The following APP variants were observed in gnomAD, a reference collection of about 807,000 sequenced individuals.
APP encodes amyloid-beta precursor protein.
APP carries 31 observed loss-of-function variants against 101.4 expected under a neutral mutation model. That is an observed-to-expected ratio of 0.31 (90% CI 0.23 to 0.41). The LOEUF (loss-of-function observed/expected upper bound fraction) is 0.41, where lower values mean the gene tolerates loss of function less well. Among genes scored for constraint, APP ranks in the 10% least tolerant of loss-of-function variants. The pLI, the probability that APP is intolerant of heterozygous loss-of-function variation, is 1.00. For synonymous variants in APP, 366 were observed against 364.4 expected (o/e 1.00, Z -0.05); for missense variants, 839 against 1,003.7 (o/e 0.84, Z 2.22).
At chr21:26,161,684 G>T (rs2063493890) in intron 1 of APP, among the ~76,000 whole-genome samples, 1 of 151,752 alleles carries the variant, frequency 6.6e-6, no homozygotes, top group South Asian at 2.1e-4. Context: ...CATTTCTATG[G>T]GAGTTTCTTA....
intron 13 of APP, chr21:25,945,831 A>G (rs551451170): frequency 6.7e-6 from 3 of 449,982 alleles, no homozygotes; most frequent in African/African-American, 6.0e-5. Flanking sequence ...TGGGACTACA[A>G]ATAGATGTTA....
chr21:25,952,191 T>TACACACAC lies in APP; in HGVS notation c.1687+2391_1687+2398dup, dbSNP rs57270357. Among the ~76,000 whole-genome samples, 1,210 of 139,978 alleles carry TACACACAC rather than the reference T, an allele frequency of 8.6e-3. 20 individuals are homozygous for TACACACAC. Among genetic ancestry groups the TACACACAC allele is most frequent in the East Asian group, 0.035 (172 of 4,906 alleles). 91.8% of individuals were successfully genotyped at this position (139,978 alleles called of 152,430 possible). ...GTGGATTGAGAGCATATTACATACA[T>TACACACAC]ACACACACACACACACACACACACA... On this transcript the variant is annotated intron_variant, in intron 13 of 17. Transcript: ENST00000346798.
intron 1 of APP, among the ~76,000 whole-genome samples, chr21:26,121,230 C>T (rs10482971): frequency 0.096 from 14,537 of 152,204 alleles, 893 homozygotes; most frequent in Admixed American, 0.15. Context: ...GAGCTCTAGA[C>T]ATAATTTATT....
chr21:26,000,578 G>A (rs561474196), intron 6 of APP, among the ~76,000 whole-genome samples: 2 of 152,180 alleles, frequency 1.3e-5, no homozygotes, highest in African/African-American at 2.4e-5. Context: ...GTTATGAAGC[G>A]AAAGTTTAAG....
In APP at chr21:26,132,054, CAG is replaced by C. The variant is rs201516584; in HGVS notation, c.58-19910_58-19909del. Among the ~76,000 whole-genome samples, 896 of 151,840 alleles carry C rather than the reference CAG, an allele frequency of 5.9e-3. 5 individuals carry two copies. Among genetic ancestry groups the C allele is most frequent in the Non-Finnish European group, 7.9e-3 (537 of 67,936 alleles). On this transcript the variant is annotated intron_variant, in intron 1 of 17. Transcript: ENST00000346798. ...CTAGATAAAAGGTTAATTTTGTAAACAGAGTCAGTTAAAAAAATAAACAAAAA... is the reference window on the plus strand; with the variant it reads ...CTAGATAAAAGGTTAATTTTGTAAACAGTCAGTTAAAAAAATAAACAAAAA...
chr21:25,933,640 G>A (rs928370118), intron 13 of APP, among the ~76,000 whole-genome samples: 8 of 152,102 alleles, frequency 5.3e-5, no homozygotes, highest in African/African-American at 1.9e-4. Flanking sequence ...ACATTATAGA[G>A]CATTTATACA....
chr21:26,091,937 C>T (rs191776356), intron 2 of APP, among the ~76,000 whole-genome samples: 69 of 152,172 alleles, frequency 4.5e-4, no homozygotes, highest in Admixed American at 1.3e-3. Flanking sequence ...GGGAGTTAGA[C>T]GATACACGGA....
intron 3 of APP, among the ~76,000 whole-genome samples, chr21:26,069,721 A>G (rs1374243212): frequency 6.6e-6 from 1 of 152,244 alleles, no homozygotes; most frequent in African/African-American, 2.4e-5. Context: ...TTTGGGAGAC[A>G]ATGTAATTTA....
At chr21:26,066,384 ACAACCAT>A (rs1408105453) in intron 3 of APP, among the ~76,000 whole-genome samples, 1 of 152,074 alleles carries the variant, frequency 6.6e-6, no homozygotes, top group Non-Finnish European at 1.5e-5. Context: ...ATATCGTTGT[ACAACCAT>A]CACTACCTTC....
intron 6 of APP, among the ~76,000 whole-genome samples, chr21:26,016,091 C>T (rs775588415): frequency 5.3e-5 from 8 of 151,832 alleles, no homozygotes; most frequent in Admixed American, 2.0e-4. Context: ...AGTGCAGTGG[C>T]GCAATCTCAG....
Position 25,980,128 on chromosome 21 carries a change from G to A in APP, c.1224+2216C>T, listed in dbSNP as rs553358971. On this transcript the variant is annotated intron_variant, in intron 9 of 17. Coordinates refer to ENST00000346798, the MANE Select transcript of APP (RefSeq NM_000484.4). Reference sequence around the variant, plus strand: ...GAGATGAACAGACGATGAGCAGAGTGGCCTGATCAGAACAGCAGCTTAACG... The same window carrying A: ...GAGATGAACAGACGATGAGCAGAGTAGCCTGATCAGAACAGCAGCTTAACG... 1.8e-3 allele frequency among the ~76,000 whole-genome samples: 275 copies of A among 152,298 alleles called. 1 individual carries two copies. Among genetic ancestry groups the A allele is most frequent in the Admixed American group, 4.1e-3 (63 of 15,296 alleles).
chr21:26,103,190 A>C (rs2062102111), intron 2 of APP, among the ~76,000 whole-genome samples: 1 of 152,228 alleles, frequency 6.6e-6, no homozygotes, highest in Non-Finnish European at 1.5e-5. Context: ...CATACTATGG[A>C]TTTATGACTT....
At chr21:26,045,466 T>C (rs1466559125) in intron 5 of APP, among the ~76,000 whole-genome samples, 1 of 152,194 alleles carries the variant, frequency 6.6e-6, no homozygotes, top group African/African-American at 2.4e-5. Context: ...AGAATAAACA[T>C]GTGGGTTTAC....
chr21:26,085,905 G>A (rs149073634), intron 3 of APP, among the ~76,000 whole-genome samples: 8 of 152,148 alleles, frequency 5.3e-5, no homozygotes. Flanking sequence ...CATTTGGAAG[G>A]TCTTAATTAC....
In APP at chr21:25,897,607, T is replaced by C. The variant is rs63749953; in HGVS notation, c.2030A>G (p.His677Arg). 1.9e-6 allele frequency: 3 copies of C among 1,614,080 alleles called. No individual in the cohort carries two copies. The highest frequency in any genetic ancestry group is 1.7e-6 in the Non-Finnish European group (2 of 1,179,932). The change falls in exon 16 of 18, where the codon CAT (histidine) becomes CGT (arginine). Residue 677 changes from histidine (H) to arginine (R), a missense_variant. His to Arg is a conservative substitution (Grantham distance 29). Transcript: ENST00000346798. ...ATGATGAACTTCATATCCTGAGTCA[T>C]GTCGGAATTCTGCATCCATCTTCAC... ...SEVKMDAEFRHDSGYEVHHQK... is the reference protein window; with the variant it reads ...SEVKMDAEFRRDSGYEVHHQK...
Position 26,005,346 on chromosome 21 carries a change from G to A in APP, c.866-5164C>T, listed in dbSNP as rs945776161. Reference sequence around the variant, plus strand: ...CTGGAATCACTTGAACCTGGGAAGCGTACATTGCAGTGAGCCAAAATAGTG... The same window carrying A: ...CTGGAATCACTTGAACCTGGGAAGCATACATTGCAGTGAGCCAAAATAGTG... On this transcript the variant is annotated intron_variant, in intron 6 of 17. Coordinates refer to ENST00000346798, the MANE Select transcript of APP (RefSeq NM_000484.4). Among the ~76,000 whole-genome samples the A allele has an allele frequency of 8.5e-5, 13 of 152,104 alleles. 1 individual carries two copies. Among genetic ancestry groups the A allele is most frequent in the Admixed American group, 6.5e-4 (10 of 15,274 alleles).
intron 3 of APP, among the ~76,000 whole-genome samples, chr21:26,078,260 TG>T (rs1247750117): frequency 6.6e-6 from 1 of 152,180 alleles, no homozygotes; most frequent in African/African-American, 2.4e-5. Context: ...TCTGCTTTTA[TG>T]GGTATTATCT....
chr21:26,170,587 C>A lies in APP; in HGVS notation c.34G>T (p.Ala12Ser). 6.5e-7 allele frequency: 1 copy of A among 1,538,762 alleles called. No homozygotes were observed. The highest frequency in any genetic ancestry group is 8.7e-7 in the Non-Finnish European group (1 of 1,146,420). The stretch of plus-strand genomic sequence containing the variant: ...ACCTCCAGCGCCCGAGCCGTCCAGG[C>A]GGCCAGCAGGAGCAGTGCCAAACCG... ...LPGLALLLLAAWTARALEVPT... is the reference protein window; with the variant it reads ...LPGLALLLLASWTARALEVPT... The change falls in exon 1 of 18, where the codon GCC becomes TCC. Residue 12 changes from alanine (A) to serine (S), a missense_variant. Transcript: ENST00000346798.
intron 13 of APP, among the ~76,000 whole-genome samples, chr21:25,948,693 C>A (rs982862677): frequency 6.6e-6 from 1 of 152,172 alleles, no homozygotes; most frequent in Non-Finnish European, 1.5e-5. Context: ...AAAAGAGCTA[C>A]ATTTTTAGCC....
Sources: gnomAD v4.1 joint callset for allele counts (sites outside exome capture counted in the v4.1 genomes callset) on GRCh38, gnomAD v4.1.1 for gene constraint, MANE v1.5 for transcripts, NCBI Gene and HGNC (gene_info 2026-07-23, HGNC 2026-07-21) for gene names.